Variants in FER1L6 observed in about 807,000 individuals in gnomAD.
FER1L6 encodes fer-1-like protein 6.
Under a neutral mutation model 219.2 loss-of-function variants are expected in FER1L6, and 177 were observed. That is an observed-to-expected ratio of 0.81 (90% CI 0.71 to 0.91). The LOEUF is 0.91. FER1L6 is among the 40% of genes least tolerant of loss of function. FER1L6 has a pLI of 0.00. For synonymous variants in FER1L6, 768 were observed against 824.3 expected, an observed-to-expected ratio of 0.93 and a Z score of 1.17; for missense variants, 2,153 against 2,259.9, an observed-to-expected ratio of 0.95 and a Z score of 0.96.
At chr8:124,069,916 T>C (rs1820995620) in intron 29 of FER1L6, among the ~76,000 whole-genome samples, 1 of 152,204 alleles carries the variant, frequency 6.6e-6, no homozygotes, top group South Asian at 2.1e-4. Flanking sequence ...GTGAAAATTA[T>C]ATATATAGAT....
In FER1L6 at chr8:124,004,380, C is replaced by T. The variant is rs938737508; in HGVS notation, c.1700+1033C>T. 2.6e-5 allele frequency: 4 copies of T among 152,178 alleles called. No individual in the cohort carries two copies. In the East Asian group the frequency reaches 7.7e-4, roughly 29 times the overall value. The allele number at this position is 152,178 out of a possible 1,614,324, so 9.4% of individuals were successfully genotyped here. ...ACTGGATTCTCATAATAGAATATTT[C>T]TTCCCCCATTTTGTATGCGAAGAGA... On this transcript the variant is annotated intron_variant, in intron 13 of 40. Coordinates refer to ENST00000522917, the MANE Select transcript of FER1L6 (RefSeq NM_001039112.2).
intron 20 of FER1L6, among the ~76,000 whole-genome samples, chr8:124,041,698 C>A (rs1368827193): frequency 6.6e-6 from 1 of 152,116 alleles, no homozygotes; most frequent in African/African-American, 2.4e-5. Flanking sequence ...TCAGGAGACA[C>A]CTCAGAAGAA....
At position 124,061,974 on chromosome 8, in the gene FER1L6, T is replaced by G. The variant is rs1252224913; in HGVS notation, c.3270T>G (p.Cys1090Trp). Residue 1090 changes from cysteine to tryptophan, a missense_variant, in exon 25 of 41, where the codon TGT becomes TGG. Transcript: ENST00000522917. ...TCAACTACTTGAAGCAGTTTTTGTG[T>G]AAACTCAGAGAGCCCCTTGCCCCCA... ...YTINYLKQFL[C>W]KLREPLAPIT... 12 of 1,614,194 alleles carry G rather than the reference T, an allele frequency of 7.4e-6. No individual in the cohort carries two copies. In the South Asian group the frequency reaches 1.3e-4, roughly 18 times the overall value.
At chr8:124,098,218 T>G (rs1042761458) in intron 37 of FER1L6, among the ~76,000 whole-genome samples, 21 of 152,246 alleles carry the variant, frequency 1.4e-4, no homozygotes, top group African/African-American at 5.1e-4. Flanking sequence ...GAAAGATTAA[T>G]ATGTTGAACA....
At chr8:123,870,356 A>G (rs1176706845) in intron 1 of FER1L6, among the ~76,000 whole-genome samples, 4 of 152,214 alleles carry the variant, frequency 2.6e-5, no homozygotes, top group Admixed American at 6.5e-5. Flanking sequence ...GTGAATGTTT[A>G]TAGCAGATTT....
chr8:123,982,264 G>C (rs184953983), intron 11 of FER1L6, among the ~76,000 whole-genome samples: 34 of 152,230 alleles, frequency 2.2e-4, no homozygotes, highest in Admixed American at 1.0e-3. Flanking sequence ...GCTGTGGGTT[G>C]AAGCTGTCTA....
intron 1 of FER1L6, among the ~76,000 whole-genome samples, chr8:123,892,552 A>G (rs1812668292): frequency 1.3e-5 from 2 of 152,178 alleles, no homozygotes; most frequent in South Asian, 4.1e-4. Flanking sequence ...CAGGCTCCCA[A>G]AGTGCTGGGA....
chr8:124,074,154 G>T (rs767347044), intron 31 of FER1L6, among the ~76,000 whole-genome samples: 14 of 152,022 alleles, frequency 9.2e-5, no homozygotes, highest in Non-Finnish European at 1.5e-4. Flanking sequence ...GAAAGTATTT[G>T]CTTTTGACAG....
At chr8:124,017,958 C>T (rs1818275670) in intron 16 of FER1L6, among the ~76,000 whole-genome samples, 1 of 152,160 alleles carries the variant, frequency 6.6e-6, no homozygotes, top group Non-Finnish European at 1.5e-5. Flanking sequence ...AATAGGTGAC[C>T]TCTTGCTCAT....
At chr8:124,045,742 G>T in intron 20 of FER1L6, 25 bp from the exon 21 acceptor site, 1 of 1,613,218 alleles carries the variant, frequency 6.2e-7, no homozygotes, top group Non-Finnish European at 8.5e-7. Context: ...ATGATCTTTT[G>T]CTTTTCTTTG....
At chr8:123,927,900 G>A (rs571636785) in intron 1 of FER1L6, among the ~76,000 whole-genome samples, 8 of 152,094 alleles carry the variant, frequency 5.3e-5, no homozygotes, top group South Asian at 2.1e-4. Flanking sequence ...ATTGTCTGGC[G>A]ATTTCTTTTC....
chr8:124,006,210 G>T (rs1817649414), intron 13 of FER1L6, among the ~76,000 whole-genome samples: 1 of 152,196 alleles, frequency 6.6e-6, no homozygotes, highest in African/African-American at 2.4e-5. Flanking sequence ...CTACCTTGAT[G>T]GATTAGCCAT....
chr8:123,867,502 G>T (rs1237776482), intron 1 of FER1L6, among the ~76,000 whole-genome samples: 1 of 152,252 alleles, frequency 6.6e-6, no homozygotes, highest in Admixed American at 6.5e-5. Flanking sequence ...GGTTCTGGGG[G>T]GTTGAAATTC....
chr8:123,881,463 G>A (rs1188747210), intron 1 of FER1L6, among the ~76,000 whole-genome samples: 1 of 152,154 alleles, frequency 6.6e-6, no homozygotes, highest in Non-Finnish European at 1.5e-5. Flanking sequence ...ATGATATTTA[G>A]TCCGAGTGAA....
Position 124,082,235 on chromosome 8 carries a change from T to G in FER1L6, c.4221-53T>G, listed in dbSNP as rs1821585369. On this transcript the variant is annotated intron_variant, in intron 32 of 40. Coordinates refer to ENST00000522917, the MANE Select transcript of FER1L6 (RefSeq NM_001039112.2). ...AGCTAAAAGTGAAGCTGGGAATGGT[T>G]CCCTGTGTCACCAAATGTTAACTGA... 5 of 1,491,244 alleles carry G rather than the reference T, an allele frequency of 3.4e-6. No homozygotes were observed. The South Asian group carries it at 6.1e-5, about 18-fold the overall frequency. The allele number at this position is 1,491,244 out of a possible 1,614,324, so 92.4% of individuals were successfully genotyped here.
intron 1 of FER1L6, among the ~76,000 whole-genome samples, chr8:123,889,968 T>G (rs1230817671): frequency 6.6e-6 from 1 of 152,134 alleles, no homozygotes; most frequent in African/African-American, 2.4e-5. Flanking sequence ...AAAGTTTAGA[T>G]AGTAAAATAT....
chr8:124,049,062 CTTTTTT>C (rs1200633004), intron 21 of FER1L6, among the ~76,000 whole-genome samples: 1 of 148,290 alleles, frequency 6.7e-6, no homozygotes, highest in South Asian at 2.1e-4. Flanking sequence ...TTTCTTTTTT[CTTTTTT>C]TGAGACATCT....
chr8:124,055,955 C>T (rs1820275994), intron 22 of FER1L6, among the ~76,000 whole-genome samples: 1 of 152,092 alleles, frequency 6.6e-6, no homozygotes. Context: ...CTTCAAGTCT[C>T]TCTCTCTCAT....
intron 39 of FER1L6, among the ~76,000 whole-genome samples, chr8:124,107,169 C>A (rs540950648): frequency 6.6e-6 from 1 of 151,882 alleles, no homozygotes; most frequent in Admixed American, 6.6e-5. Context: ...AGGATGGTCT[C>A]GATCTCCTGA....
Sources: gnomAD v4.1 joint callset for allele counts (sites outside exome capture counted in the v4.1 genomes callset) on GRCh38, gnomAD v4.1.1 for gene constraint, MANE v1.5 for transcripts, NCBI Gene and HGNC (gene_info 2026-07-23, HGNC 2026-07-21) for gene names.